Variants in VDR observed in about 807,000 individuals in gnomAD.
VDR encodes the protein vitamin D3 receptor.
VDR carries 19 observed loss-of-function variants against 39.7 expected under a neutral mutation model. The observed-to-expected ratio is 0.48, with a 90% confidence interval of 0.33 to 0.70. The LOEUF (loss-of-function observed/expected upper bound fraction) is 0.70, where lower values mean the gene tolerates loss of function less well. VDR is among the 30% of genes least tolerant of loss of function. The pLI is 0.02. For synonymous variants in VDR, 242 were observed against 215.8 expected, an observed-to-expected ratio of 1.12 and a Z score of -1.07; for missense variants, 442 against 570.5, an observed-to-expected ratio of 0.77 and a Z score of 2.29.
intron 9 of VDR, among the ~76,000 whole-genome samples, chr12:47,845,371 A>G (rs1222286935): frequency 1.3e-5 from 2 of 151,486 alleles, no homozygotes; most frequent in Non-Finnish European, 2.9e-5. Flanking sequence ...CCAGACTCTT[A>G]CTGATCCTTT....
In VDR at chr12:47,853,446, T is replaced by TAA. The variant is rs60854792; in HGVS notation, c.755+2182_755+2183dup. ...CGACAGAGCGAGACTCTGCCTCAAT[T>TAA]AAAAAAAAAAAAAAAAAGAATATTG... On this transcript the variant is annotated intron_variant, in intron 7 of 9. Transcript: ENST00000549336. Among the ~76,000 whole-genome samples, 397 of 112,664 alleles carry TAA rather than the reference T, an allele frequency of 3.5e-3. 1 individual carries two copies. The highest frequency in any genetic ancestry group is 0.012 in the African/African-American group (379 of 31,906). 73.9% of individuals were successfully genotyped at this position (112,664 alleles called of 152,430 possible). A position where few individuals can be genotyped will look rare whatever the true frequency, so the allele number is the denominator to read the frequency against.
At chr12:47,871,362 T>TC (rs1945871411) in intron 3 of VDR, among the ~76,000 whole-genome samples, 9 of 70,668 alleles carry the variant, frequency 1.3e-4, no homozygotes, top group African/African-American at 3.6e-4. Flanking sequence ...TTCTTTCCTT[T>TC]CTCTCTCTCT....
chr12:47,900,107 T>C (rs1010594240), intron 1 of VDR: 8 of 274,914 alleles, frequency 2.9e-5, no homozygotes, highest in East Asian at 1.7e-4. Context: ...ATTAGAGTCA[T>C]ATTTGATTCC....
chr12:47,879,592 T>A (rs1946100073), intron 2 of VDR, among the ~76,000 whole-genome samples: 1 of 152,108 alleles, frequency 6.6e-6, no homozygotes, highest in Non-Finnish European at 1.5e-5. Context: ...CCTCAGCACC[T>A]ACATGTGGAG....
intron 5 of VDR, 126 bp from the exon 6 acceptor site, chr12:47,857,375 C>G: frequency 1.2e-6 from 2 of 1,601,558 alleles, no homozygotes; most frequent in Non-Finnish European, 1.7e-6. Context: ...GTGCCAGGGG[C>G]AGAGCAGCCT....
intron 1 of VDR, among the ~76,000 whole-genome samples, chr12:47,892,907 G>T (rs935163117): frequency 1.6e-4 from 24 of 152,336 alleles, no homozygotes; most frequent in African/African-American, 5.3e-4. Context: ...GAGCAGAGGA[G>T]TTTAATGTGG....
chr12:47,848,555 C>CTTTTTTTTTTTT (rs1162881183), intron 7 of VDR, among the ~76,000 whole-genome samples: 6 of 58,116 alleles, frequency 1.0e-4, no homozygotes, highest in Admixed American at 2.9e-4. Context: ...TTTTCTACTC[C>CTTTTTTTTTTTT]TTTTTTTTTT....
Position 47,846,395 on chromosome 12 carries a change from T to C in VDR, c.964A>G (p.Lys322Glu), listed in dbSNP as rs1945280381. The C allele has an allele frequency of 6.3e-7, 1 of 1,585,762 alleles. No individual in the cohort carries two copies. Among genetic ancestry groups the C allele is most frequent in the South Asian group, 1.2e-5 (1 of 86,822 alleles). ...TGCTCCTCCTCATGCAAGTTCAGCT[T>C]CTTCAGTCCCACCTGGAACTTGATG... ...PLIKFQVGLK[K>E]LNLHEEEHVL... The change falls in exon 9 of 10, where the codon AAG (lysine) becomes GAG (glutamate). Residue 322 changes from lysine (K) to glutamate (E), a missense_variant. This residue lies in a region of VDR where 173 missense variants were observed against 252.0 expected (regional missense o/e 0.69). Coordinates refer to ENST00000549336, the MANE Select transcript of VDR (RefSeq NM_000376.3).
At chr12:47,865,229 A>G (rs1945706269) in intron 3 of VDR, 52 bp from the exon 4 acceptor site, 1 of 1,600,428 alleles carries the variant, frequency 6.2e-7, no homozygotes, top group Non-Finnish European at 8.5e-7. Context: ...CCGGCTCCTC[A>G]CCCTGTCATC....
At chr12:47,864,853 G>A (rs369009793) in intron 4 of VDR, among the ~76,000 whole-genome samples, 194 bp downstream of exon 4, 18 of 152,326 alleles carry the variant, frequency 1.2e-4, no homozygotes, top group East Asian at 3.9e-4. Context: ...GCACAGGGCC[G>A]CTGAGTGCAT....
intron 1 of VDR, among the ~76,000 whole-genome samples, chr12:47,890,377 T>TTATATA (rs60534556): frequency 4.7e-4 from 66 of 141,896 alleles, no homozygotes; most frequent in African/African-American, 1.4e-3. Context: ...AATATATATT[T>TTATATA]TATATATATA....
intron 1 of VDR, among the ~76,000 whole-genome samples, chr12:47,895,788 A>G (rs1164074061): frequency 6.6e-6 from 1 of 152,236 alleles, no homozygotes; most frequent in Non-Finnish European, 1.5e-5. Context: ...CTGAATGTCC[A>G]GCTTTCTATG....
chr12:47,868,827 T>C (rs1030680281), intron 3 of VDR, among the ~76,000 whole-genome samples: 1 of 152,136 alleles, frequency 6.6e-6, no homozygotes, highest in Non-Finnish European at 1.5e-5. Context: ...GGGGCTGCTC[T>C]GTCCTCCCAC....
At chr12:47,852,102 C>T (rs1377770605) in intron 7 of VDR, among the ~76,000 whole-genome samples, 1 of 152,128 alleles carries the variant, frequency 6.6e-6, no homozygotes, top group East Asian at 1.9e-4. Flanking sequence ...GTGAAGGGGG[C>T]AGCATTGGAG....
intron 1 of VDR, among the ~76,000 whole-genome samples, chr12:47,899,382 G>T (rs1946519000): frequency 6.6e-6 from 1 of 152,218 alleles, no homozygotes; most frequent in African/African-American, 2.4e-5. Context: ...CCAGGCACTT[G>T]ACTTACATCA....
At chr12:47,900,525 C>A (rs1001980931) in intron 1 of VDR, among the ~76,000 whole-genome samples, 2 of 152,162 alleles carry the variant, frequency 1.3e-5, no homozygotes, top group Non-Finnish European at 2.9e-5. Flanking sequence ...ACAGAGACTC[C>A]ATTTCCTCAT....
intron 3 of VDR, among the ~76,000 whole-genome samples, chr12:47,877,685 C>T (rs1164672198): frequency 6.6e-6 from 1 of 152,146 alleles, no homozygotes; most frequent in African/African-American, 2.4e-5. Context: ...GTCCATGTGT[C>T]ACCTGGGACA....
intron 1 of VDR, among the ~76,000 whole-genome samples, chr12:47,904,149 G>A (rs11574013): frequency 0.029 from 4,458 of 151,752 alleles, 228 homozygotes; most frequent in African/African-American, 0.1. Context: ...CTGTGAGAAG[G>A]GTCTGGGCTT....
At position 47,863,725 on chromosome 12, in the gene VDR, C is replaced by T. The variant is rs189632967; in HGVS notation, c.277+1322G>A. On this transcript the variant is annotated intron_variant, in intron 4 of 9. Transcript: ENST00000549336. ...CTGTGATGGTGTGGAGAAACCACAGCCCTGGAAACACCTTTCAGGGCTGCC... is the reference window on the plus strand; with the variant it reads ...CTGTGATGGTGTGGAGAAACCACAGTCCTGGAAACACCTTTCAGGGCTGCC... Among the ~76,000 whole-genome samples, 127 of 152,310 alleles carry T rather than the reference C, an allele frequency of 8.3e-4. 1 individual carries two copies. The highest frequency in any genetic ancestry group is 2.9e-3 in the African/African-American group (120 of 41,550).
Sources: gnomAD v4.1 joint callset for allele counts (sites outside exome capture counted in the v4.1 genomes callset) on GRCh38, gnomAD v4.1.1 for gene constraint, gnomAD v4.1.1 regional missense constraint, MANE v1.5 for transcripts, NCBI Gene and HGNC (gene_info 2026-07-23, HGNC 2026-07-21) for gene names.